UBR3: variants seen among roughly 807,000 people sequenced by gnomAD.
UBR3 encodes E3 ubiquitin-protein ligase UBR3.
In UBR3, 85 loss-of-function variants were observed where a neutral mutation model predicts 243.2. The ratio of observed to expected loss-of-function variants is 0.35; its 90% CI spans 0.29 to 0.42. UBR3 has a LOEUF of 0.42. UBR3 is among the 10% of genes least tolerant of loss of function. UBR3 has a pLI of 1.00. For missense variants in UBR3, 1,686 were observed against 2,300.8 expected (o/e 0.73, Z 5.47); for synonymous variants, 748 against 799.8 (o/e 0.94, Z 1.09).
At chr2:169,938,600 A>C (rs2086440381) in intron 19 of UBR3, among the ~76,000 whole-genome samples, 2 of 151,918 alleles carry the variant, frequency 1.3e-5, no homozygotes, top group African/African-American at 4.8e-5. Context: ...TGTCTTTTTC[A>C]CTTACTTGAA....
Position 169,827,917 on chromosome 2 carries a change from G to T in UBR3, c.410G>T (p.Gly137Val). The change falls in exon 1 of 39, where the codon GGC (glycine) becomes GTC (valine). Residue 137 changes from glycine to valine, a missense_variant. Around this residue, in one of 8 missense-constraint regions of UBR3, gnomAD observed 145 missense variants for 243.8 expected, o/e 0.59. Coordinates refer to ENST00000272793, the MANE Select transcript of UBR3 (RefSeq NM_172070.4). ...NFVAYRCRTC[G>V]ISPCMSLCAE... is the part of the protein sequence containing the mutation. Reference sequence around the variant, plus strand: ...GTGGCCTACCGCTGCCGGACGTGCGGCATCTCGCCCTGCATGTCGCTGTGC... The same window carrying T: ...GTGGCCTACCGCTGCCGGACGTGCGTCATCTCGCCCTGCATGTCGCTGTGC... The T allele has an allele frequency of 6.6e-7, 1 of 1,511,812 alleles. No individual in the cohort carries two copies. Among genetic ancestry groups the T allele is most frequent in the Non-Finnish European group, 8.8e-7 (1 of 1,133,016 alleles). The allele number at this position is 1,511,812 out of a possible 1,614,324, so 93.6% of individuals were successfully genotyped here. A position where few individuals can be genotyped will look rare whatever the true frequency, so the allele number is the denominator to read the frequency against.
In UBR3 at chr2:170,073,800, A is replaced by AT. The variant is rs577795613; in HGVS notation, c.5199+195dup. 2.2e-3 allele frequency among the ~76,000 whole-genome samples: 333 copies of AT among 152,316 alleles called. 3 individuals carry two copies. Among genetic ancestry groups the AT allele is most frequent in the African/African-American group, 7.7e-3 (321 of 41,580 alleles). ...ATATTTCAGCTAACAAAGGTAAGGCATTAGTCAATACTTTTAGTTTGTTTG... is the reference window on the plus strand; with the variant it reads ...ATATTTCAGCTAACAAAGGTAAGGCATTTAGTCAATACTTTTAGTTTGTTTG... On this transcript the variant is annotated intron_variant, in intron 36 of 38. Transcript: ENST00000272793.
At chr2:170,048,026 G>A (rs1219300973) in intron 32 of UBR3, among the ~76,000 whole-genome samples, 1 of 152,122 alleles carries the variant, frequency 6.6e-6, no homozygotes, top group Non-Finnish European at 1.5e-5. Context: ...CTCCTCAACT[G>A]AACAGATGTT....
chr2:169,832,154 T>G (rs951142972), intron 1 of UBR3, among the ~76,000 whole-genome samples: 54 of 152,188 alleles, frequency 3.5e-4, no homozygotes, highest in African/African-American at 1.3e-3. Flanking sequence ...AGTATTGATA[T>G]AATCAATGTG....
chr2:170,075,119 G>A (rs2091778133), intron 36 of UBR3, among the ~76,000 whole-genome samples: 1 of 151,976 alleles, frequency 6.6e-6, no homozygotes, highest in South Asian at 2.1e-4. Flanking sequence ...ATAAGCATAA[G>A]TTATAAATGT....
chr2:169,936,121 A>G (rs556099306), intron 19 of UBR3, among the ~76,000 whole-genome samples: 2 of 152,188 alleles, frequency 1.3e-5, no homozygotes, highest in South Asian at 2.1e-4. Context: ...GTACAATGGC[A>G]TGATCTCGGC....
At chr2:169,852,941 G>A (rs2082714773) in intron 1 of UBR3, among the ~76,000 whole-genome samples, 2 of 142,558 alleles carry the variant, frequency 1.4e-5, no homozygotes, top group African/African-American at 5.1e-5. Context: ...ATAAATTTAT[G>A]TTTTTTTCTC....
chr2:169,829,650 C>T (rs1011869469), intron 1 of UBR3, among the ~76,000 whole-genome samples: 11 of 152,250 alleles, frequency 7.2e-5, no homozygotes, highest in Admixed American at 6.5e-4. Context: ...GTCCCGAACT[C>T]CCGACCTCAG....
chr2:170,022,493 G>A lies in UBR3; in HGVS notation c.4454-6853G>A, dbSNP rs533329615. ...GACTGGTGAAAACCTAGCATATAGTGCTGGAAGGAACACCGGGTTGGAGTT... is the reference window on the plus strand; with the variant it reads ...GACTGGTGAAAACCTAGCATATAGTACTGGAAGGAACACCGGGTTGGAGTT... On this transcript the variant is annotated intron_variant, in intron 30 of 38. Coordinates refer to ENST00000272793, the MANE Select transcript of UBR3 (RefSeq NM_172070.4). Among the ~76,000 whole-genome samples the A allele has an allele frequency of 2.0e-5, 3 of 152,218 alleles. No individual in the cohort carries two copies. The East Asian group carries it at 5.8e-4, about 29-fold the overall frequency.
chr2:170,063,255 GAC>G (rs1434073070), intron 35 of UBR3, among the ~76,000 whole-genome samples: 1 of 152,142 alleles, frequency 6.6e-6, no homozygotes. Context: ...GAGACCGAGA[GAC>G]ATGAACTTTT....
chr2:170,075,367 T>G (rs2091785548), intron 36 of UBR3, among the ~76,000 whole-genome samples: 1 of 152,070 alleles, frequency 6.6e-6, no homozygotes, highest in Non-Finnish European at 1.5e-5. Context: ...GGGGTATAAT[T>G]GTAGAACCAA....
chr2:169,987,231 A>G (rs919145946), intron 25 of UBR3, among the ~76,000 whole-genome samples: 7 of 151,966 alleles, frequency 4.6e-5, no homozygotes, highest in African/African-American at 1.7e-4. Flanking sequence ...CGTCTCTACT[A>G]AAAATATAAA....
chr2:169,829,453 C>G (rs76063619), intron 1 of UBR3, among the ~76,000 whole-genome samples: 1 of 113,484 alleles, frequency 8.8e-6, no homozygotes, highest in South Asian at 2.9e-4. Flanking sequence ...GACGGAGTTT[C>G]TCTCTTGTTG....
intron 31 of UBR3, among the ~76,000 whole-genome samples, chr2:170,038,351 A>G (rs1171321893): frequency 6.6e-6 from 1 of 152,070 alleles, no homozygotes. Context: ...ATCTAAAATT[A>G]TGTACCACTC....
intron 36 of UBR3, chr2:170,077,544 G>C: frequency 1.4e-6 from 1 of 717,058 alleles, no homozygotes; most frequent in Non-Finnish European, 2.3e-6. Flanking sequence ...CAACAAAGCA[G>C]ACTTTAGTAA....
chr2:169,886,030 G>A (rs947550635), intron 5 of UBR3, among the ~76,000 whole-genome samples: 16 of 151,866 alleles, frequency 1.1e-4, no homozygotes, highest in Admixed American at 3.9e-4. Flanking sequence ...GATGGCACGC[G>A]TTTGTAGTCC....
chr2:170,029,420 C>T lies in UBR3; in HGVS notation c.4528C>T (p.Leu1510Phe). 6.2e-7 allele frequency: 1 copy of T among 1,610,910 alleles called. No individual in the cohort carries two copies. The highest frequency in any genetic ancestry group is 8.5e-7 in the Non-Finnish European group (1 of 1,178,360). ...IDSEYNPWRKLTQLEEMNPQL... is the reference protein window; with the variant it reads ...IDSEYNPWRKFTQLEEMNPQL... The stretch of plus-strand genomic sequence containing the variant: ...CTCTGAGTATAATCCCTGGAGAAAG[C>T]TCACCCAGTTAGAAGAGATGAATCC... Residue 1510 changes from leucine to phenylalanine, a missense_variant, in exon 31 of 39, where the codon CTC becomes TTC. Around this residue, in one of 8 missense-constraint regions of UBR3, gnomAD observed 371 missense variants for 422.5 expected, o/e 0.88. Coordinates refer to ENST00000272793, the MANE Select transcript of UBR3 (RefSeq NM_172070.4).
rs1420859583 is a variant in UBR3, at chr2:169,878,504, TA to T, written c.989-20del. On this transcript the variant is annotated intron_variant, in intron 4 of 38. Transcript: ENST00000272793. Reference sequence around the variant, plus strand: ...ATATGTAGCAACTATGAAGGACAACTATTTTTCTTCTCCTCCAAAGGTTTCA... The same window carrying T: ...ATATGTAGCAACTATGAAGGACAACTTTTTTCTTCTCCTCCAAAGGTTTCA... 1.3e-6 allele frequency: 2 copies of T among 1,548,010 alleles called. No homozygotes were observed. Among genetic ancestry groups the T allele is most frequent in the South Asian group, 2.4e-5 (2 of 83,230 alleles).
chr2:170,061,117 G>T lies in UBR3; in HGVS notation c.4824G>T (p.Leu1608=). 6.3e-7 allele frequency: 1 copy of T among 1,597,786 alleles called. No homozygotes were observed. The highest frequency in any genetic ancestry group is 1.2e-5 in the South Asian group (1 of 86,300). ...CAGAAAAGTCTTACGAAGTATTACT[G>T]AGCTTTGTGATAAGTGAACTATTTA... ...CDAEKSYEVL[L]SFVISELFKG... is the part of the protein sequence containing the mutation. The change falls in exon 34 of 39, where the codon CTG becomes CTT. Residue 1608 remains leucine (L), a synonymous_variant. Transcript: ENST00000272793.
Sources: gnomAD v4.1 joint callset for allele counts (sites outside exome capture counted in the v4.1 genomes callset) on GRCh38, gnomAD v4.1.1 for gene constraint, gnomAD v4.1.1 regional missense constraint, MANE v1.5 for transcripts, NCBI Gene and HGNC (gene_info 2026-07-23, HGNC 2026-07-21) for gene names.